The following MACROD2 variants were observed in gnomAD, a reference collection of about 807,000 sequenced individuals.
MACROD2 encodes the protein mono-ADP ribosylhydrolase 2.
MACROD2 carries 36 observed loss-of-function variants against 70.4 expected under a neutral mutation model. That is an observed-to-expected ratio of 0.51 (90% CI 0.39 to 0.68). MACROD2 has a LOEUF of 0.68. Among genes scored for constraint, MACROD2 ranks in the 30% least tolerant of loss-of-function variants. The pLI, the probability that MACROD2 is intolerant of heterozygous loss-of-function variation, is 0.00. For missense variants in MACROD2, 496 were observed against 538.4 expected (o/e 0.92, Z 0.78); for synonymous variants, 172 against 178.8 (o/e 0.96, Z 0.30).
At chr20:14,063,193 G>A (rs2053709951) in intron 2 of MACROD2, among the ~76,000 whole-genome samples, 1 of 152,170 alleles carries the variant, frequency 6.6e-6, no homozygotes, top group Non-Finnish European at 1.5e-5. Context: ...TATATCTAAG[G>A]TACTGAATGG....
intron 5 of MACROD2, among the ~76,000 whole-genome samples, chr20:15,012,068 G>T (rs1176128859): frequency 1.3e-5 from 2 of 152,152 alleles, no homozygotes; most frequent in African/African-American, 4.8e-5. Context: ...TTTATTAAAG[G>T]CTGTTTGATG....
intron 5 of MACROD2, among the ~76,000 whole-genome samples, chr20:14,983,975 T>C (rs923870045): frequency 2.6e-5 from 4 of 152,218 alleles, no homozygotes; most frequent in African/African-American, 9.7e-5. Context: ...CCAATCTGAT[T>C]GCTAAGGTGA....
At chr20:16,004,316 C>T (rs529931968) in intron 15 of MACROD2, among the ~76,000 whole-genome samples, 8 of 152,244 alleles carry the variant, frequency 5.3e-5, no homozygotes, top group South Asian at 2.1e-4. Flanking sequence ...ACACAGAGAC[C>T]GCGTGCCTAG....
chr20:14,381,222 C>G (rs546224848), intron 3 of MACROD2, among the ~76,000 whole-genome samples: 1 of 152,230 alleles, frequency 6.6e-6, no homozygotes, highest in East Asian at 1.9e-4. Context: ...TACAGTAGAA[C>G]TATTCATATA....
chr20:14,751,954 G>A (rs772767308), intron 5 of MACROD2, among the ~76,000 whole-genome samples: 7 of 151,870 alleles, frequency 4.6e-5, no homozygotes, highest in Non-Finnish European at 1.0e-4. Context: ...CCTTCTTTAG[G>A]AAATACCCTC....
At chr20:14,120,232 A>AAG (rs1435841206) in intron 3 of MACROD2, among the ~76,000 whole-genome samples, 1 of 151,150 alleles carries the variant, frequency 6.6e-6, no homozygotes, top group African/African-American at 2.4e-5. Context: ...AAAAAAAAAA[A>AAG]AAGAAGAAGA....
At chr20:15,523,267 C>A (rs567000250) in intron 8 of MACROD2, among the ~76,000 whole-genome samples, 2 of 152,158 alleles carry the variant, frequency 1.3e-5, no homozygotes, top group Non-Finnish European at 2.9e-5. Context: ...TCACTTGAGT[C>A]GTGGCAGATA....
intron 4 of MACROD2, among the ~76,000 whole-genome samples, chr20:14,511,091 C>T (rs2085024541): frequency 6.6e-6 from 1 of 151,980 alleles, no homozygotes. Context: ...GAAAGAACTC[C>T]AGGTCTTAGC....
At chr20:14,815,954 A>T (rs2072769481) in intron 5 of MACROD2, among the ~76,000 whole-genome samples, 1 of 151,988 alleles carries the variant, frequency 6.6e-6, no homozygotes, top group Non-Finnish European at 1.5e-5. Context: ...CGTGTCTAAT[A>T]GTGATATTTA....
At chr20:14,497,929 C>T (rs1043349875) in intron 4 of MACROD2, among the ~76,000 whole-genome samples, 5 of 151,824 alleles carry the variant, frequency 3.3e-5, no homozygotes, top group Middle Eastern at 3.4e-3. Flanking sequence ...TTGTCCAACG[C>T]GAGAACAGAG....
chr20:14,232,321 T>G (rs1114952), intron 3 of MACROD2, among the ~76,000 whole-genome samples: 1 of 152,102 alleles, frequency 6.6e-6, no homozygotes, highest in African/African-American at 2.4e-5. Flanking sequence ...TTAGCCTGTC[T>G]TTTGACTCTT....
intron 7 of MACROD2, among the ~76,000 whole-genome samples, chr20:15,479,634 A>G (rs951124395): frequency 6.6e-6 from 1 of 152,128 alleles, no homozygotes; most frequent in African/African-American, 2.4e-5. Flanking sequence ...TCAGCAAGTG[A>G]AGCACTGCTG....
intron 4 of MACROD2, among the ~76,000 whole-genome samples, chr20:14,655,269 C>G (rs1041634558): frequency 2.0e-5 from 3 of 151,352 alleles, no homozygotes; most frequent in African/African-American, 7.3e-5. Flanking sequence ...GTGATAAATG[C>G]ACTAATTACA....
At chr20:16,026,166 CAACA>C (rs150595872) in intron 15 of MACROD2, among the ~76,000 whole-genome samples, 16,474 of 151,396 alleles carry the variant, frequency 0.11, 1,019 homozygotes, top group Non-Finnish European at 0.13. Context: ...AAAAACAAAA[CAACA>C]AACAAACAAA....
intron 6 of MACROD2, among the ~76,000 whole-genome samples, chr20:15,350,361 A>G (rs2058828): frequency 0.62 from 94,455 of 152,022 alleles, 29,447 homozygotes; most frequent in East Asian, 0.75. Context: ...TTTGACTTTC[A>G]ATTGTGATTT....
intron 3 of MACROD2, among the ~76,000 whole-genome samples, chr20:14,227,403 T>G (rs565893872): frequency 6.6e-6 from 1 of 152,156 alleles, no homozygotes; most frequent in South Asian, 2.1e-4. Flanking sequence ...GATGTAACAC[T>G]CACCACAAAG....
At chr20:15,690,372 TG>T (rs1486437391) in intron 8 of MACROD2, among the ~76,000 whole-genome samples, 2 of 152,108 alleles carry the variant, frequency 1.3e-5, no homozygotes, top group Non-Finnish European at 2.9e-5. Context: ...TGCACTGTGG[TG>T]GTGTGATTTA....
intron 8 of MACROD2, among the ~76,000 whole-genome samples, chr20:15,593,273 T>C (rs1007011099): frequency 1.3e-5 from 2 of 152,196 alleles, no homozygotes; most frequent in African/African-American, 4.8e-5. Context: ...TCATGGCAGA[T>C]TGATAAGGAG....
At chr20:14,051,577 C>T (rs958461978) in intron 2 of MACROD2, among the ~76,000 whole-genome samples, 11 of 151,742 alleles carry the variant, frequency 7.2e-5, no homozygotes, top group Non-Finnish European at 1.3e-4. Flanking sequence ...GGGAGAATCA[C>T]GTAAAGTAAG....
Sources: allele counts gnomAD v4.1 joint callset (sites outside exome capture counted in the v4.1 genomes callset), GRCh38; gene constraint gnomAD v4.1.1; transcripts MANE v1.5; gene names NCBI Gene and HGNC (gene_info 2026-07-23, HGNC 2026-07-21).